Variants in C3orf85 observed in about 807,000 individuals in gnomAD.
The protein encoded by C3orf85 is uncharacterized protein C3orf85.
In C3orf85, 1 loss-of-function variant was observed where a neutral mutation model predicts 1.7. The observed-to-expected ratio is 0.60, with a 90% CI of 0.21 to 2.86. The LOEUF (loss-of-function observed/expected upper bound fraction) is 2.86. C3orf85 is among the 30% of genes most tolerant of loss of function. The pLI, the probability that C3orf85 is intolerant of heterozygous loss-of-function variation, is 0.22. For missense variants in C3orf85, 29 were observed against 21.3 expected, an observed-to-expected ratio of 1.36 and a Z score of -0.72; for synonymous variants, 17 against 8.0, an observed-to-expected ratio of 2.13 and a Z score of -1.90.
chr3:109,139,768 A>C (rs1326114331), intron 2 of C3orf85, among the ~76,000 whole-genome samples: 1 of 152,196 alleles, frequency 6.6e-6, no homozygotes, highest in East Asian at 1.9e-4. Flanking sequence ...CTGTCCATAA[A>C]GTGCAAGTAT....
intron 2 of C3orf85, among the ~76,000 whole-genome samples, chr3:109,137,485 A>G (rs1486844044): frequency 1.3e-5 from 2 of 151,746 alleles, no homozygotes; most frequent in African/African-American, 2.4e-5. Flanking sequence ...TTAAATCTCT[A>G]TAATTTATAA....
intron 2 of C3orf85, chr3:109,146,152 A>T (rs2107835948): frequency 6.6e-6 from 1 of 152,342 alleles, no homozygotes; most frequent in Admixed American, 6.5e-5. Context: ...TGCATGCAGT[A>T]GTGATTAGCA....
At chr3:109,143,584 G>A (rs187087280) in intron 2 of C3orf85, among the ~76,000 whole-genome samples, 1 of 152,236 alleles carries the variant, frequency 6.6e-6, no homozygotes, top group East Asian at 1.9e-4. Context: ...AAAGTAGTAG[G>A]AACTGTGCCC....
chr3:109,147,946 A>G (rs1706818636), intron 2 of C3orf85, among the ~76,000 whole-genome samples: 1 of 152,170 alleles, frequency 6.6e-6, no homozygotes, highest in African/African-American at 2.4e-5. Flanking sequence ...CCGAAAAGTG[A>G]TAGGGCTGGA....
At chr3:109,139,869 A>G (rs890920319) in intron 2 of C3orf85, among the ~76,000 whole-genome samples, 3 of 152,200 alleles carry the variant, frequency 2.0e-5, no homozygotes. Flanking sequence ...CTCCACAGTT[A>G]GTAACCAATG....
intron 2 of C3orf85, among the ~76,000 whole-genome samples, chr3:109,146,754 GCA>G: frequency 6.6e-6 from 1 of 152,122 alleles, no homozygotes; most frequent in Non-Finnish European, 1.5e-5. Flanking sequence ...CACAAAAATT[GCA>G]CACAGTCATT....
intron 2 of C3orf85, among the ~76,000 whole-genome samples, chr3:109,144,918 T>C (rs1706781636): frequency 6.6e-6 from 1 of 152,230 alleles, no homozygotes; most frequent in Admixed American, 6.5e-5. Context: ...ATAAAATATG[T>C]AACACTGTAA....
chr3:109,148,828 G>T, intron 3 of C3orf85: 1 of 156,496 alleles, frequency 6.4e-6, no homozygotes. Context: ...ATTATTACAT[G>T]TATGTGTAGA....
rs4855697 is a variant in C3orf85 at position 109,148,281 on chromosome 3, A to G, written c.78A>G (p.Glu26=). 0.45 allele frequency: 313,733 copies of G among 701,892 alleles called. 78,881 individuals are homozygous for G. Among genetic ancestry groups the G allele is most frequent in the East Asian group, 0.91 (33,913 of 37,260 alleles). The allele number at this position is 701,892 out of a possible 1,614,324, so 43.5% of individuals were successfully genotyped here. ...IGALGAPFLL[E]DPANQFLRLK... Reference sequence around the variant, plus strand: ...CATTGGGAGCGCCATTTTTGTTGGAAGACCCTGCAAACCAGTTCCTACGTC... The same window carrying G: ...CATTGGGAGCGCCATTTTTGTTGGAGGACCCTGCAAACCAGTTCCTACGTC... Residue 26 remains glutamate, a synonymous_variant, in exon 3 of 4, where the codon GAA becomes GAG. Coordinates refer to ENST00000622536, the MANE Select transcript of C3orf85 (RefSeq NM_001351622.2).
At chr3:109,137,070 C>CTGTGTGTGTGTGTGTG (rs3054419) in intron 2 of C3orf85, among the ~76,000 whole-genome samples, 174 bp downstream of exon 2, 3 of 149,758 alleles carry the variant, frequency 2.0e-5, no homozygotes, top group African/African-American at 7.4e-5. Context: ...TTAATGTTAA[C>CTGTGTGTGTGTGTGTG]TGTGTGTGTG....
At chr3:109,140,615 G>A (rs1409615155) in intron 2 of C3orf85, among the ~76,000 whole-genome samples, 3 of 152,326 alleles carry the variant, frequency 2.0e-5, no homozygotes, top group East Asian at 1.9e-4. Context: ...ATATGGAGAT[G>A]GGGATCCCAT....
At chr3:109,137,428 G>A (rs1312627635) in intron 2 of C3orf85, among the ~76,000 whole-genome samples, 2 of 151,650 alleles carry the variant, frequency 1.3e-5, no homozygotes, top group Admixed American at 6.6e-5. Flanking sequence ...TGTTTTGCTT[G>A]TAACAAAAAC....
At chr3:109,146,978 A>G (rs1706806694) in intron 2 of C3orf85, among the ~76,000 whole-genome samples, 1 of 152,158 alleles carries the variant, frequency 6.6e-6, no homozygotes, top group Non-Finnish European at 1.5e-5. Flanking sequence ...CTAAGTTTAA[A>G]TGTTAACTAA....
At chr3:109,148,226 G>A (rs1706821581) in intron 2 of C3orf85, 27 bp from the exon 3 acceptor site, 1 of 696,716 alleles carries the variant, frequency 1.4e-6, no homozygotes, top group Non-Finnish European at 2.6e-6. Flanking sequence ...TCTAAAAGAT[G>A]CTGTGCTCTT....
At chr3:109,143,710 G>T (rs1368291052) in intron 2 of C3orf85, among the ~76,000 whole-genome samples, 1 of 152,206 alleles carries the variant, frequency 6.6e-6, no homozygotes, top group Non-Finnish European at 1.5e-5. Flanking sequence ...AGCTGGAAAA[G>T]ACCTTAGTGG....
chr3:109,140,193 G>GA (rs1042212156), intron 2 of C3orf85, among the ~76,000 whole-genome samples: 3 of 151,120 alleles, frequency 2.0e-5, no homozygotes, highest in East Asian at 1.9e-4. Context: ...AATTTGGCTG[G>GA]AAAAAAAAAT....
intron 2 of C3orf85, among the ~76,000 whole-genome samples, chr3:109,144,993 C>T (rs1706782335): frequency 6.6e-6 from 1 of 152,176 alleles, no homozygotes; most frequent in African/African-American, 2.4e-5. Flanking sequence ...TGCATTTCAT[C>T]TAAAAGCAAA....
At chr3:109,139,192 ACT>A (rs1164055983) in intron 2 of C3orf85, among the ~76,000 whole-genome samples, 1 of 151,990 alleles carries the variant, frequency 6.6e-6, no homozygotes, top group African/African-American at 2.4e-5. Flanking sequence ...TGAGAACAAA[ACT>A]CTTCTTTCTG....
intron 3 of C3orf85, 80 bp from the exon 4 acceptor site, chr3:109,149,725 C>CTGTA (rs1172982762): frequency 1.3e-5 from 5 of 396,704 alleles, no homozygotes; most frequent in Admixed American, 8.8e-5. Flanking sequence ...TTAGGAATAT[C>CTGTA]TGTATGATAA....
Sources: gnomAD v4.1 joint callset for allele counts (sites outside exome capture counted in the v4.1 genomes callset) on GRCh38, gnomAD v4.1.1 for gene constraint, MANE v1.5 for transcripts, NCBI Gene and HGNC (gene_info 2026-07-23, HGNC 2026-07-21) for gene names.